PRKG1: variants seen among roughly 807,000 people sequenced by gnomAD.
The protein encoded by PRKG1 is cGMP-dependent protein kinase 1.
Under a neutral mutation model 88.1 loss-of-function variants are expected in PRKG1, and 35 were observed. The observed-to-expected ratio is 0.40, with a 90% CI of 0.30 to 0.53. PRKG1 has a LOEUF of 0.53. PRKG1 is among the 20% of genes least tolerant of loss of function. PRKG1 has a pLI of 0.59. For synonymous variants in PRKG1, 303 were observed against 292.5 expected (o/e 1.04, Z -0.37); for missense variants, 540 against 839.8 (o/e 0.64, Z 4.41).
intron 7 of PRKG1, among the ~76,000 whole-genome samples, chr10:52,131,356 G>T (rs1211169151): frequency 6.6e-6 from 1 of 152,024 alleles, no homozygotes; most frequent in Non-Finnish European, 1.5e-5. Flanking sequence ...TGGATGGAGA[G>T]GTATGTAGGG....
At chr10:51,991,519 A>G (rs1844306662) in intron 5 of PRKG1, among the ~76,000 whole-genome samples, 1 of 151,924 alleles carries the variant, frequency 6.6e-6, no homozygotes, top group Admixed American at 6.6e-5. Flanking sequence ...TCCTAAAGCT[A>G]TCCCTCCCCC....
intron 9 of PRKG1, among the ~76,000 whole-genome samples, chr10:52,176,035 G>A (rs780468714): frequency 2.0e-5 from 3 of 151,892 alleles, no homozygotes; most frequent in Non-Finnish European, 4.4e-5. Flanking sequence ...TCTGTTGCCT[G>A]TGTTTTTGAG....
intron 4 of PRKG1, among the ~76,000 whole-genome samples, chr10:51,812,397 G>A (rs554598073): frequency 1.8e-4 from 27 of 152,306 alleles, no homozygotes; most frequent in Non-Finnish European, 2.6e-4. Context: ...CTGGTTGTGC[G>A]ATGCGTGGGC....
intron 5 of PRKG1, among the ~76,000 whole-genome samples, chr10:52,044,013 G>C (rs1377559361): frequency 6.6e-6 from 1 of 151,970 alleles, no homozygotes; most frequent in South Asian, 2.1e-4. Flanking sequence ...AGTCCAGGCA[G>C]CCAGTGCTAG....
At chr10:52,094,130 T>C (rs1204694584) in intron 7 of PRKG1, among the ~76,000 whole-genome samples, 30 of 152,186 alleles carry the variant, frequency 2.0e-4, no homozygotes, top group Admixed American at 6.6e-5. Context: ...TAGAATAGAT[T>C]AATGAAAGAA....
chr10:51,407,954 T>A (rs1837968248), intron 2 of PRKG1, among the ~76,000 whole-genome samples: 1 of 151,862 alleles, frequency 6.6e-6, no homozygotes, highest in African/African-American at 2.4e-5. Context: ...TAACTTTCAG[T>A]TCAATGGAAT....
chr10:51,560,105 C>G (rs1364368756), intron 3 of PRKG1, among the ~76,000 whole-genome samples: 1 of 152,070 alleles, frequency 6.6e-6, no homozygotes, highest in Non-Finnish European at 1.5e-5. Context: ...TCTCCCAGAG[C>G]CTTCCATATT....
At chr10:51,685,188 T>G (rs1409912224) in intron 3 of PRKG1, among the ~76,000 whole-genome samples, 1 of 152,162 alleles carries the variant, frequency 6.6e-6, no homozygotes, top group African/African-American at 2.4e-5. Context: ...GTCTCTTTCA[T>G]AAAACTGAAT....
chr10:51,123,328 G>T (rs370009279), intron 1 of PRKG1, among the ~76,000 whole-genome samples: 2 of 152,020 alleles, frequency 1.3e-5, no homozygotes, highest in Non-Finnish European at 2.9e-5. Context: ...CCCAAAAAAG[G>T]CTTATAATGA....
chr10:51,767,069 G>T (rs190015281), intron 3 of PRKG1, among the ~76,000 whole-genome samples: 52 of 152,204 alleles, frequency 3.4e-4, no homozygotes, highest in African/African-American at 9.9e-4. Context: ...CCTTTTTACT[G>T]GGAGTAAATA....
At chr10:52,075,726 A>T (rs1036697555) in intron 7 of PRKG1, among the ~76,000 whole-genome samples, 1 of 152,202 alleles carries the variant, frequency 6.6e-6, no homozygotes, top group Non-Finnish European at 1.5e-5. Context: ...CAAGATGCTA[A>T]CATTGTCAAG....
intron 1 of PRKG1, among the ~76,000 whole-genome samples, chr10:51,075,689 C>A (rs1293084190): frequency 6.6e-6 from 1 of 152,304 alleles, no homozygotes; most frequent in East Asian, 1.9e-4. Context: ...AAAACGTGGA[C>A]CCATTGTTTG....
At chr10:52,262,196 A>C (rs895157506) in intron 10 of PRKG1, among the ~76,000 whole-genome samples, 6 of 152,078 alleles carry the variant, frequency 3.9e-5, no homozygotes, top group African/African-American at 1.4e-4. Flanking sequence ...CTTAATTTAT[A>C]AATAATTTTC....
intron 1 of PRKG1, among the ~76,000 whole-genome samples, chr10:51,117,927 A>T (rs1845166943): frequency 6.6e-6 from 1 of 152,202 alleles, no homozygotes; most frequent in South Asian, 2.1e-4. Flanking sequence ...GCTTCTTAAC[A>T]ACTGCTCTAA....
At chr10:52,085,311 C>T (rs1396253892) in intron 7 of PRKG1, among the ~76,000 whole-genome samples, 3 of 140,180 alleles carry the variant, frequency 2.1e-5, no homozygotes, top group Non-Finnish European at 4.6e-5. Context: ...TTCTTCCTTT[C>T]AGAAGAAATA....
At position 51,857,818 on chromosome 10, in the gene PRKG1, G is replaced by A. The variant is rs1589362044; in HGVS notation, c.699-49689G>A. ...TCACATTCAGGGCACATAGTGGTTA[G>A]GGTGTTTGTGAAGCCAATGGAGAGA... On this transcript the variant is annotated intron_variant, in intron 4 of 17. Coordinates refer to ENST00000373980, the MANE Select transcript of PRKG1 (RefSeq NM_006258.4). 2.6e-5 allele frequency among the ~76,000 whole-genome samples: 4 copies of A among 151,670 alleles called. 1 individual carries two copies. In the South Asian group the frequency reaches 8.3e-4, roughly 31 times the overall value.
intron 7 of PRKG1, among the ~76,000 whole-genome samples, chr10:52,117,414 G>T (rs1847714905): frequency 6.6e-6 from 1 of 151,980 alleles, no homozygotes; most frequent in African/African-American, 2.4e-5. Context: ...TGCTAAACTG[G>T]TATCTCTTCA....
At chr10:51,958,664 T>C (rs1843373931) in intron 5 of PRKG1, among the ~76,000 whole-genome samples, 1 of 149,262 alleles carries the variant, frequency 6.7e-6, no homozygotes. Flanking sequence ...CATAAATTAC[T>C]AAGGCAATTA....
intron 2 of PRKG1, among the ~76,000 whole-genome samples, chr10:51,379,563 A>G (rs1479145872): frequency 6.6e-6 from 1 of 152,246 alleles, no homozygotes; most frequent in Non-Finnish European, 1.5e-5. Flanking sequence ...TTGCATCTGT[A>G]GAGCTTATCC....
Sources: gnomAD v4.1 joint callset for allele counts (sites outside exome capture counted in the v4.1 genomes callset) on GRCh38, gnomAD v4.1.1 for gene constraint, MANE v1.5 for transcripts, NCBI Gene and HGNC (gene_info 2026-07-23, HGNC 2026-07-21) for gene names.